PRSS21: variants seen among roughly 807,000 people sequenced by gnomAD.
PRSS21 encodes the protein testisin.
PRSS21 carries 40 observed loss-of-function variants against 31.1 expected under a neutral mutation model. The ratio of observed to expected loss-of-function variants is 1.29; its 90% CI spans 1.00 to 1.68. PRSS21 has a LOEUF of 1.68. Among genes scored for constraint, PRSS21 ranks in the 40% most tolerant of loss-of-function variants. The pLI, the probability that PRSS21 is intolerant of heterozygous loss-of-function variation, is 0.00. For missense variants in PRSS21, 467 were observed against 412.6 expected, an observed-to-expected ratio of 1.13 and a Z score of -1.14; for synonymous variants, 186 against 167.7, an observed-to-expected ratio of 1.11 and a Z score of -0.84.
chr16:2,820,542 A>G (rs773955800), intron 4 of PRSS21, among the ~76,000 whole-genome samples: 43 of 152,178 alleles, frequency 2.8e-4, no homozygotes, highest in Non-Finnish European at 5.0e-4. Context: ...GCTTGTGTCC[A>G]GGCCTGGAAA....
In PRSS21 at chr16:2,817,926, A is replaced by G; in HGVS notation, c.217A>G (p.Ser73Gly). The G allele has an allele frequency of 6.5e-7, 1 of 1,549,546 alleles. No homozygotes were observed. The highest frequency in any genetic ancestry group is 1.7e-4 in the Middle Eastern group (1 of 5,990). ...DSHVCGVSLLSHRWALTAAHC... is the reference protein window; with the variant it reads ...DSHVCGVSLLGHRWALTAAHC... ...CCACGTATGCGGAGTGAGCCTGCTC[A>G]GCCACCGCTGGGCACTCACGGCGGC... is the stretch of plus-strand genomic sequence containing the variant. The change falls in exon 3 of 6, where the codon AGC (serine) becomes GGC (glycine). Residue 73 changes from serine to glycine, a missense_variant. Ser to Gly is a moderately conservative substitution (Grantham distance 56). Transcript: ENST00000005995. This position sits in a 1 kb window ranked among gnomAD's most constrained non-coding sequence, Gnocchi z 4.2.
Position 2,817,457 on chromosome 16 carries a change from G to T in PRSS21, c.91+1G>T. Reference sequence around the variant, plus strand: ...TCGCAGGAGGCGGCGCCGTTATCAGGTAGGGCGCCCAGGACGCGCGATTCC... The same window carrying T: ...TCGCAGGAGGCGGCGCCGTTATCAGTTAGGGCGCCCAGGACGCGCGATTCC... On this transcript the variant is annotated splice_donor_variant, in intron 2 of 5. Transcript: ENST00000005995. LOFTEE classifies it high-confidence loss of function. The surrounding 1 kb of genome is among the most constrained non-coding windows in gnomAD (Gnocchi z 4.2). The T allele has an allele frequency of 6.3e-7, 1 of 1,588,704 alleles. No homozygotes were observed. The highest frequency in any genetic ancestry group is 8.5e-7 in the Non-Finnish European group (1 of 1,173,924).
chr16:2,819,239 A>T (rs1390682554), intron 4 of PRSS21, among the ~76,000 whole-genome samples: 2 of 152,140 alleles, frequency 1.3e-5, no homozygotes, highest in Non-Finnish European at 2.9e-5. Context: ...GCTTGGCGAC[A>T]TAAACCTCAT....
chr16:2,821,397 A>G lies in PRSS21; in HGVS notation c.737A>G (p.Lys246Arg). Residue 246 changes from lysine to arginine, a missense_variant, in exon 6 of 6, where the codon AAG (lysine) becomes AGG (arginine). Transcript: ENST00000005995. Reference protein sequence around the residue: ...GDSGGPLACNKNGLWYQIGVV... With the variant: ...GDSGGPLACNRNGLWYQIGVV... ...TCAGGTGGACCCTTGGCCTGTAACA[A>G]GAATGGACTGTGGTATCAGATTGGA... 1 of 1,614,224 alleles carries G rather than the reference A, an allele frequency of 6.2e-7. No homozygotes were observed.
rs1326293366 is a variant in PRSS21 at position 2,817,614 on chromosome 16, G to T, written c.91+158G>T. ...GAAAGTAACTAACGGACGCTGGAGG[G>T]GGATGGGCGGGCCCTGCAGAGCACG... is the stretch of plus-strand genomic sequence containing the variant. On this transcript the variant is annotated intron_variant, in intron 2 of 5. Transcript: ENST00000005995. The surrounding 1 kb of genome is among the most constrained non-coding windows in gnomAD (Gnocchi z 4.2). The T allele has an allele frequency of 1.5e-6, 2 of 1,290,470 alleles. No individual in the cohort carries two copies. Among genetic ancestry groups the T allele is most frequent in the Admixed American group, 2.4e-5 (1 of 41,318 alleles). The allele number at this position is 1,290,470 out of a possible 1,614,324, so 79.9% of individuals were successfully genotyped here.
At position 2,817,638 on chromosome 16, in the gene PRSS21, C is replaced by G. The variant is rs1419795604; in HGVS notation, c.92-163C>G. 3.2e-6 allele frequency: 4 copies of G among 1,256,054 alleles called. No individual in the cohort carries two copies. In the African/African-American group the frequency reaches 6.0e-5, roughly 19 times the overall value. 77.8% of individuals were successfully genotyped at this position (1,256,054 alleles called of 1,614,324 possible). A position where few individuals can be genotyped will look rare whatever the true frequency, so the allele number is the denominator to read the frequency against. ...GGGGATGGGCGGGCCCTGCAGAGCA[C>G]GTGGGAGGATCTCCAGTGTCACCTA... On this transcript the variant is annotated intron_variant, in intron 2 of 5. Coordinates refer to ENST00000005995, the MANE Select transcript of PRSS21 (RefSeq NM_006799.4). This position sits in a 1 kb window ranked among gnomAD's most constrained non-coding sequence, Gnocchi z 4.2.
chr16:2,817,376 G>T lies in PRSS21; in HGVS notation c.64+44G>T. On this transcript the variant is annotated intron_variant, in intron 1 of 5. Transcript: ENST00000005995. The surrounding 1 kb of genome is among the most constrained non-coding windows in gnomAD (Gnocchi z 4.2). Reference sequence around the variant, plus strand: ...TGGCGGGATGGGGAGGCGGGGGAGCGGTGGGGAGGACGGGAGGTGGAGGCC... The same window carrying T: ...TGGCGGGATGGGGAGGCGGGGGAGCTGTGGGGAGGACGGGAGGTGGAGGCC... 6.3e-7 allele frequency: 1 copy of T among 1,583,006 alleles called. No homozygotes were observed. Among genetic ancestry groups the T allele is most frequent in the Non-Finnish European group, 8.6e-7 (1 of 1,168,600 alleles).
rs1364652550 is a variant in PRSS21 at position 2,817,277 on chromosome 16, G to A, written c.9G>A (p.Ala3=). The change falls in exon 1 of 6, where the codon GCG becomes GCA. Residue 3 remains alanine, a synonymous_variant. Coordinates refer to ENST00000005995, the MANE Select transcript of PRSS21 (RefSeq NM_006799.4). This position sits in a 1 kb window ranked among gnomAD's most constrained non-coding sequence, Gnocchi z 4.2. MG[A]RGALLLALLL... is the part of the protein sequence containing the mutation. ...CCGCGGGAGAGGAGGCCATGGGCGC[G>A]CGCGGGGCGCTGCTGCTGGCGCTGC... The A allele has an allele frequency of 2.0e-6, 3 of 1,534,942 alleles. No homozygotes were observed. The highest frequency in any genetic ancestry group is 2.6e-6 in the Non-Finnish European group (3 of 1,144,544).
intron 5 of PRSS21, 52 bp from the exon 6 acceptor site, chr16:2,821,314 C>T: frequency 1.2e-6 from 2 of 1,605,212 alleles, no homozygotes; most frequent in South Asian, 1.1e-5. Context: ...TCAGCCCCTC[C>T]CCTGCCCCAC....
chr16:2,818,092 G>A, intron 3 of PRSS21, 126 bp downstream of exon 3: 1 of 1,227,164 alleles, frequency 8.1e-7, no homozygotes, highest in Non-Finnish European at 1.1e-6. Context: ...GATGCGGCCT[G>A]GTGTTCTCCT....
chr16:2,818,116 T>C, intron 3 of PRSS21, 150 bp downstream of exon 3: 3 of 1,048,518 alleles, frequency 2.9e-6, no homozygotes, highest in Non-Finnish European at 4.1e-6. Flanking sequence ...CCCCAGGCTG[T>C]GCTGCAGCCG....
In PRSS21 at chr16:2,817,680, C is replaced by T. The variant is rs192683278; in HGVS notation, c.92-121C>T. The stretch of plus-strand genomic sequence containing the variant: ...TGTCACCTACTTCCTGCTGCACACA[C>T]GCGAGGGGACCCTGGGTGGGCAAAA... On this transcript the variant is annotated intron_variant, in intron 2 of 5. Coordinates refer to ENST00000005995, the MANE Select transcript of PRSS21 (RefSeq NM_006799.4). The surrounding 1 kb of genome is among the most constrained non-coding windows in gnomAD (Gnocchi z 4.2). 2.9e-6 allele frequency: 4 copies of T among 1,362,558 alleles called. No individual in the cohort carries two copies. Among genetic ancestry groups the T allele is most frequent in the East Asian group, 2.5e-5 (1 of 39,780 alleles). 84.4% of individuals were successfully genotyped at this position (1,362,558 alleles called of 1,614,324 possible).
chr16:2,817,377 G>A lies in PRSS21; in HGVS notation c.64+45G>A. ...GGCGGGATGGGGAGGCGGGGGAGCG[G>A]TGGGGAGGACGGGAGGTGGAGGCCG... is the stretch of plus-strand genomic sequence containing the variant. On this transcript the variant is annotated intron_variant, in intron 1 of 5. Coordinates refer to ENST00000005995, the MANE Select transcript of PRSS21 (RefSeq NM_006799.4). The surrounding 1 kb of genome is among the most constrained non-coding windows in gnomAD (Gnocchi z 4.2). 6.3e-7 allele frequency: 1 copy of A among 1,584,252 alleles called. No individual in the cohort carries two copies. The highest frequency in any genetic ancestry group is 8.6e-7 in the Non-Finnish European group (1 of 1,169,214).
At position 2,817,376 on chromosome 16, in the gene PRSS21, G is replaced by A. The variant is rs890194319; in HGVS notation, c.64+44G>A. ...TGGCGGGATGGGGAGGCGGGGGAGC[G>A]GTGGGGAGGACGGGAGGTGGAGGCC... is the stretch of plus-strand genomic sequence containing the variant. On this transcript the variant is annotated intron_variant, in intron 1 of 5. Transcript: ENST00000005995. This position sits in a 1 kb window ranked among gnomAD's most constrained non-coding sequence, Gnocchi z 4.2. 1.8e-5 allele frequency: 29 copies of A among 1,583,006 alleles called. No homozygotes were observed. The highest frequency in any genetic ancestry group is 2.4e-5 in the Non-Finnish European group (28 of 1,168,600).
chr16:2,821,412 A>G lies in PRSS21; in HGVS notation c.752A>G (p.Tyr251Cys). ...PLACNKNGLW[Y>C]QIGVVSWGVG... The stretch of plus-strand genomic sequence containing the variant: ...GCCTGTAACAAGAATGGACTGTGGT[A>G]TCAGATTGGAGTCGTGAGCTGGGGA... The change falls in exon 6 of 6, where the codon TAT becomes TGT. Residue 251 changes from tyrosine (Y) to cysteine (C), a missense_variant. Coordinates refer to ENST00000005995, the MANE Select transcript of PRSS21 (RefSeq NM_006799.4). 1.9e-6 allele frequency: 3 copies of G among 1,614,210 alleles called. No individual in the cohort carries two copies. The highest frequency in any genetic ancestry group is 2.5e-6 in the Non-Finnish European group (3 of 1,180,008).
chr16:2,821,467 T>A lies in PRSS21; in HGVS notation c.807T>A (p.Gly269=). The A allele has an allele frequency of 6.2e-7, 1 of 1,614,162 alleles. No homozygotes were observed. Among genetic ancestry groups the A allele is most frequent in the Non-Finnish European group, 8.5e-7 (1 of 1,180,010 alleles). The part of the protein sequence containing the change: ...GVGCGRPNRP[G]VYTNISHHFE... ...GCTGTGGTCGGCCCAATCGGCCCGG[T>A]GTCTACACCAATATCAGCCACCACT... Residue 269 remains glycine (G), a synonymous_variant, in exon 6 of 6, where the codon GGT becomes GGA. Transcript: ENST00000005995.
intron 4 of PRSS21, 142 bp from the exon 5 acceptor site, chr16:2,820,813 C>A: frequency 2.4e-6 from 2 of 823,974 alleles, no homozygotes; most frequent in South Asian, 1.6e-5. Context: ...GTGCTGGGGT[C>A]TGGGTTGGAG....
chr16:2,818,941 T>A lies in PRSS21; in HGVS notation c.522T>A (p.Thr174=). 6.2e-7 allele frequency: 1 copy of A among 1,614,198 alleles called. No individual in the cohort carries two copies. The highest frequency in any genetic ancestry group is 1.1e-5 in the South Asian group (1 of 91,086). ...EFENRTDCWV[T]GWGYIKEDEA... ...AGAACCGGACAGACTGCTGGGTGACTGGCTGGGGGTACATCAAAGAGGATG... is the reference window on the plus strand; with the variant it reads ...AGAACCGGACAGACTGCTGGGTGACAGGCTGGGGGTACATCAAAGAGGATG... The change falls in exon 4 of 6, where the codon ACT becomes ACA. Residue 174 remains threonine (T), a synonymous_variant. Transcript: ENST00000005995.
chr16:2,819,044 CCT>C (rs2069129546), intron 4 of PRSS21, 75 bp downstream of exon 4: 1 of 1,533,398 alleles, frequency 6.5e-7, no homozygotes, highest in South Asian at 1.2e-5. Context: ...ACAATAGCCC[CCT>C]GCTTGGTCTG....
Sources: allele counts gnomAD v4.1 joint callset (sites outside exome capture counted in the v4.1 genomes callset), GRCh38; gene constraint gnomAD v4.1.1; non-coding constraint Gnocchi (gnomAD v3.1); transcripts MANE v1.5; gene names NCBI Gene and HGNC (gene_info 2026-07-23, HGNC 2026-07-21).